ATAD3C: variants seen among roughly 807,000 people sequenced by gnomAD.
ATAD3C encodes ATPase family AAA domain-containing protein 3C.
ATAD3C carries 38 observed loss-of-function variants against 46.3 expected under a neutral mutation model. That is an observed-to-expected ratio of 0.82 (90% CI 0.63 to 1.08). The LOEUF is 1.08. Among genes scored for constraint, ATAD3C ranks in the 50% least tolerant of loss-of-function variants. The probability of loss-of-function intolerance (pLI) is 0.00; values close to 1 mark genes in which losing one functional copy is unlikely to be tolerated. For synonymous variants in ATAD3C, 220 were observed against 236.4 expected (o/e 0.93, Z 0.63); for missense variants, 563 against 572.7 (o/e 0.98, Z 0.17).
At chr1:1,461,644 G>A (rs531925264) in intron 10 of ATAD3C, among the ~76,000 whole-genome samples, 27 of 149,048 alleles carry the variant, frequency 1.8e-4, no homozygotes, top group African/African-American at 6.1e-4. Context: ...CCCCCATGTA[G>A]GGACTGGAGG....
chr1:1,451,918 T>G (rs1410583933), intron 1 of ATAD3C, 128 bp from the exon 2 acceptor site: 1 of 1,443,178 alleles, frequency 6.9e-7, no homozygotes, highest in Non-Finnish European at 9.3e-7. Flanking sequence ...GGGTGCGGCG[T>G]CTGCAGGTCC....
rs1216823726 is a variant in ATAD3C, at chr1:1,455,322, C to T, written c.379-138C>T. 36 of 1,251,770 alleles carry T rather than the reference C, an allele frequency of 2.9e-5. 1 individual carries two copies. The highest frequency in any genetic ancestry group is 1.8e-4 in the South Asian group (12 of 68,488). 77.5% of individuals were successfully genotyped at this position (1,251,770 alleles called of 1,614,324 possible). A position where few individuals can be genotyped will look rare whatever the true frequency, so the allele number is the denominator to read the frequency against. ...ACAGACACCCAGTCTCCCGGCGGGGCGGGGTTCCAGCTCCAGGCCGGTCCT... is the reference window on the plus strand; with the variant it reads ...ACAGACACCCAGTCTCCCGGCGGGGTGGGGTTCCAGCTCCAGGCCGGTCCT... On this transcript the variant is annotated intron_variant, in intron 4 of 11. Coordinates refer to ENST00000378785, the MANE Select transcript of ATAD3C (RefSeq NM_001039211.3).
At position 1,455,813 on chromosome 1, in the gene ATAD3C, G is replaced by A. The variant is rs1553198590; in HGVS notation, c.461G>A (p.Arg154His). Reference protein sequence around the residue: ...VLSPSLEARVRDIAIMTRNIK... With the variant: ...VLSPSLEARVHDIAIMTRNIK... ...CAGCCCAGCCTGGAAGCACGGGTGC[G>A]CGACATCGCCATAATGACAAGGAAC... Residue 154 changes from arginine to histidine, a missense_variant, in exon 6 of 12, where the codon CGC becomes CAC. Arg to His is a conservative substitution (Grantham distance 29). Around this residue, in one of 3 missense-constraint regions of ATAD3C, gnomAD observed 263 missense variants for 243.1 expected, o/e 1.08. Coordinates refer to ENST00000378785, the MANE Select transcript of ATAD3C (RefSeq NM_001039211.3). 8.1e-6 allele frequency: 13 copies of A among 1,613,328 alleles called. No homozygotes were observed. Among genetic ancestry groups the A allele is most frequent in the African/African-American group, 2.7e-5 (2 of 74,906 alleles).
rs777757826 is a variant in ATAD3C, at chr1:1,457,595, C to CAAAAAAAAAA, written c.741+425_741+434dup. ...TGGGCGACACAGCGAGACTTCATCT[C>CAAAAAAAAAA]AAAAAAAAAAAAAAAAAAACAAAAA... On this transcript the variant is annotated intron_variant, in intron 8 of 11. Coordinates refer to ENST00000378785, the MANE Select transcript of ATAD3C (RefSeq NM_001039211.3). Among the ~76,000 whole-genome samples, 61 of 36,414 alleles carry CAAAAAAAAAA rather than the reference C, an allele frequency of 1.7e-3. 6 individuals are homozygous for CAAAAAAAAAA. The highest frequency in any genetic ancestry group is 7.3e-3 in the African/African-American group (54 of 7,356). 23.9% of individuals were successfully genotyped at this position (36,414 alleles called of 152,430 possible).
chr1:1,466,466 T>A (rs1639143851), intron 11 of ATAD3C, among the ~76,000 whole-genome samples: 1 of 135,866 alleles, frequency 7.4e-6, no homozygotes, highest in Non-Finnish European at 1.5e-5. Context: ...GGCAAGAGAA[T>A]GGCGTGAACC....
intron 7 of ATAD3C, among the ~76,000 whole-genome samples, chr1:1,456,811 C>A (rs1282026935): frequency 6.6e-6 from 1 of 151,502 alleles, no homozygotes. Flanking sequence ...CCTCGGCTGT[C>A]CTCGTTGGAA....
chr1:1,466,461 G>C (rs923231403), intron 11 of ATAD3C, among the ~76,000 whole-genome samples: 6 of 147,222 alleles, frequency 4.1e-5, no homozygotes, highest in African/African-American at 7.6e-5. Flanking sequence ...GCTGAGGCAA[G>C]AGAATGGCGT....
At chr1:1,465,695 G>C (rs1391240775) in intron 11 of ATAD3C, among the ~76,000 whole-genome samples, 3 of 151,624 alleles carry the variant, frequency 2.0e-5, no homozygotes, top group African/African-American at 7.3e-5. Context: ...ATGTCACAGG[G>C]TTGTTTTTTC....
rs745673167 is a variant in ATAD3C, at chr1:1,452,442, T to C, written c.222+8T>C. 33 of 1,613,476 alleles carry C rather than the reference T, an allele frequency of 2.0e-5. 1 individual carries two copies. The South Asian group carries it at 3.6e-4, about 18-fold the overall frequency. ...GACAAAGTGACAGCCACGGTAAACATACTCATAAAACAGGGCTGGCAGGTG... is the reference window on the plus strand; with the variant it reads ...GACAAAGTGACAGCCACGGTAAACACACTCATAAAACAGGGCTGGCAGGTG... On this transcript the variant is annotated splice_region_variant and intron_variant, in intron 3 of 11. Coordinates refer to ENST00000378785, the MANE Select transcript of ATAD3C (RefSeq NM_001039211.3).
At chr1:1,455,996 C>T (rs1475292490) in intron 6 of ATAD3C, 80 bp downstream of exon 6, 10 of 1,596,552 alleles carry the variant, frequency 6.3e-6, no homozygotes, top group Non-Finnish European at 8.5e-6. Flanking sequence ...GGCTCAGCTG[C>T]CTGGGGAATG....
intron 8 of ATAD3C, 127 bp downstream of exon 8, chr1:1,457,307 AT>A (rs1443775434): frequency 4.0e-6 from 6 of 1,504,736 alleles, no homozygotes; most frequent in Non-Finnish European, 5.5e-6. Flanking sequence ...AAAACACAGC[AT>A]TTTTGGCCAG....
intron 11 of ATAD3C, among the ~76,000 whole-genome samples, chr1:1,466,765 C>A (rs1006984766): frequency 6.6e-6 from 1 of 151,778 alleles, no homozygotes; most frequent in Non-Finnish European, 1.5e-5. Context: ...CTCCTGAATT[C>A]GTTTTGCTGG....
intron 11 of ATAD3C, among the ~76,000 whole-genome samples, chr1:1,464,291 C>G (rs927153091): frequency 1.3e-5 from 2 of 151,694 alleles, no homozygotes; most frequent in Admixed American, 1.3e-4. Flanking sequence ...GCTCTGAAGG[C>G]TACAGGCCCA....
chr1:1,453,465 G>C (rs947394431), intron 3 of ATAD3C, among the ~76,000 whole-genome samples: 1 of 151,870 alleles, frequency 6.6e-6, no homozygotes, highest in Non-Finnish European at 1.5e-5. Context: ...GCCTCAGAAA[G>C]TGCTATGATT....
chr1:1,451,208 T>C (rs1165550697), intron 1 of ATAD3C, among the ~76,000 whole-genome samples: 1 of 151,112 alleles, frequency 6.6e-6, no homozygotes, highest in Non-Finnish European at 1.5e-5. Flanking sequence ...GCCCAGCTAA[T>C]TTTTTTTGTA....
At position 1,459,393 on chromosome 1, in the gene ATAD3C, G is replaced by A. The variant is rs1483797503; in HGVS notation, c.812+162G>A. 6.6e-6 allele frequency among the ~76,000 whole-genome samples: 1 copy of A among 151,962 alleles called. No homozygotes were observed. Among genetic ancestry groups the A allele is most frequent in the Admixed American group, 6.6e-5 (1 of 15,240 alleles). Reference sequence around the variant, plus strand: ...GTCCCCTGGGAACGGCCCAGCTCAGGACAGCACGGGGTGTCACTGAGGAAC... The same window carrying A: ...GTCCCCTGGGAACGGCCCAGCTCAGAACAGCACGGGGTGTCACTGAGGAAC... On this transcript the variant is annotated intron_variant, in intron 9 of 11. Transcript: ENST00000378785. The surrounding 1 kb of genome is among the most constrained non-coding windows in gnomAD (Gnocchi z 4.9).
Position 1,451,877 on chromosome 1 carries a change from G to A in ATAD3C, c.76-169G>A, listed in dbSNP as rs368507723. Among the ~76,000 whole-genome samples the A allele has an allele frequency of 7.2e-5, 11 of 152,104 alleles. No homozygotes were observed. The South Asian group carries it at 8.3e-4, about 11-fold the overall frequency. On this transcript the variant is annotated intron_variant, in intron 1 of 11. Coordinates refer to ENST00000378785, the MANE Select transcript of ATAD3C (RefSeq NM_001039211.3). ...TGAACCCATCCCCTCAGTGACTGCC[G>A]TCCCGGCCGATGTCACCCGTGTCTG...
chr1:1,462,579 ACTTG>A lies in ATAD3C; in HGVS notation c.981-20_981-17del, dbSNP rs781081199. 3.2e-6 allele frequency: 5 copies of A among 1,574,638 alleles called. No individual in the cohort carries two copies. The South Asian group carries it at 5.8e-5, about 18-fold the overall frequency. On this transcript the variant is annotated splice_polypyrimidine_tract_variant and intron_variant, in intron 10 of 11. Transcript: ENST00000378785. This position sits in a 1 kb window ranked among gnomAD's most constrained non-coding sequence, Gnocchi z 4.5. Reference sequence around the variant, plus strand: ...TGGGAGCTGCTGCCTTGGCCGGCCCACTTGGGAACTCCTTCCCCAGGCGTCTGAA... The same window carrying A: ...TGGGAGCTGCTGCCTTGGCCGGCCCAGGAACTCCTTCCCCAGGCGTCTGAA...
At chr1:1,451,369 C>T (rs1176706481) in intron 1 of ATAD3C, among the ~76,000 whole-genome samples, 5 of 145,548 alleles carry the variant, frequency 3.4e-5, no homozygotes, top group East Asian at 2.1e-4. Context: ...TATTTTGAAA[C>T]GGAGTCTCAC....
Sources: allele counts gnomAD v4.1 joint callset (sites outside exome capture counted in the v4.1 genomes callset), GRCh38; gene constraint gnomAD v4.1.1; regional missense constraint gnomAD v4.1.1; non-coding constraint Gnocchi (gnomAD v3.1); transcripts MANE v1.5; gene names NCBI Gene and HGNC (gene_info 2026-07-23, HGNC 2026-07-21).